Variants in STRN observed in about 807,000 individuals in gnomAD.
The protein encoded by STRN is striatin.
A neutral mutation model predicts 96.3 loss-of-function variants in STRN; 53 were observed. The ratio of observed to expected loss-of-function variants is 0.55; its 90% CI spans 0.44 to 0.69. The LOEUF (loss-of-function observed/expected upper bound fraction) is 0.69, where lower values mean the gene tolerates loss of function less well. Among genes scored for constraint, STRN ranks in the 30% least tolerant of loss-of-function variants. The probability of loss-of-function intolerance (pLI) is 0.00; values close to 1 mark genes in which losing one functional copy is unlikely to be tolerated. For synonymous variants in STRN, 428 were observed against 355.9 expected (o/e 1.20, Z -2.28); for missense variants, 987 against 963.9 (o/e 1.02, Z -0.32).
chr2:36,881,066 C>T (rs1263581778), intron 9 of STRN, among the ~76,000 whole-genome samples: 2 of 145,798 alleles, frequency 1.4e-5, no homozygotes, highest in African/African-American at 5.1e-5. Flanking sequence ...CAGCTTTTAC[C>T]AAAAAACAAA....
chr2:36,906,645 G>A (rs1291752284), intron 3 of STRN, among the ~76,000 whole-genome samples: 2 of 151,696 alleles, frequency 1.3e-5, no homozygotes, highest in Non-Finnish European at 2.9e-5. Flanking sequence ...CTTCAGGTAG[G>A]CCAGGCGTGG....
At chr2:36,930,000 T>A (rs115122133) in intron 1 of STRN, among the ~76,000 whole-genome samples, 2,723 of 152,344 alleles carry the variant, frequency 0.018, 84 homozygotes, top group African/African-American at 0.061. Flanking sequence ...GTTTCAATAA[T>A]CGCTTTATGT....
chr2:36,860,614 A>G (rs1161374346), intron 13 of STRN, among the ~76,000 whole-genome samples: 1 of 152,212 alleles, frequency 6.6e-6, no homozygotes, highest in Non-Finnish European at 1.5e-5. Flanking sequence ...TTGATAGATT[A>G]TAATATGATT....
At chr2:36,870,296 GAAA>G (rs56722317) in intron 10 of STRN, among the ~76,000 whole-genome samples, 1 of 138,984 alleles carries the variant, frequency 7.2e-6, no homozygotes, top group Non-Finnish European at 1.6e-5. Context: ...TCTCAAAAAT[GAAA>G]AAAAAAAAAA....
At chr2:36,942,119 G>A (rs1178176588) in intron 1 of STRN, among the ~76,000 whole-genome samples, 1 of 152,080 alleles carries the variant, frequency 6.6e-6, no homozygotes, top group Non-Finnish European at 1.5e-5. Context: ...ACACTTCTGG[G>A]AAAGCTTATC....
At chr2:36,949,448 C>A (rs774357649) in intron 1 of STRN, among the ~76,000 whole-genome samples, 1 of 151,984 alleles carries the variant, frequency 6.6e-6, no homozygotes, top group Non-Finnish European at 1.5e-5. Flanking sequence ...TTTTTAGAAG[C>A]CTGGGAGGCA....
intron 14 of STRN, among the ~76,000 whole-genome samples, chr2:36,857,087 CTT>C (rs149907998): frequency 7.0e-6 from 1 of 143,026 alleles, no homozygotes; most frequent in Non-Finnish European, 1.5e-5. Context: ...CAAATATAGT[CTT>C]TTTTTTTTTT....
chr2:36,872,533 GT>G (rs923816206), intron 10 of STRN, among the ~76,000 whole-genome samples: 2 of 152,138 alleles, frequency 1.3e-5, no homozygotes, highest in Non-Finnish European at 2.9e-5. Flanking sequence ...GATAATAAAT[GT>G]TTTTTGTTTT....
intron 1 of STRN, among the ~76,000 whole-genome samples, chr2:36,958,858 C>T (rs1664960174): frequency 2.0e-5 from 3 of 152,188 alleles, no homozygotes; most frequent in Admixed American, 1.3e-4. Context: ...TGGTAGCTCA[C>T]GCCTCTAATC....
intron 2 of STRN, 41 bp downstream of exon 2, chr2:36,925,064 A>G (rs776762215): frequency 1.3e-6 from 2 of 1,575,938 alleles, no homozygotes; most frequent in Non-Finnish European, 1.7e-6. Context: ...CTCAAAACAA[A>G]TAAACAAAAA....
At chr2:36,875,629 A>G (rs1668884559) in intron 10 of STRN, among the ~76,000 whole-genome samples, 1 of 151,458 alleles carries the variant, frequency 6.6e-6, no homozygotes, top group East Asian at 1.9e-4. Flanking sequence ...CATGAAATAT[A>G]AGGCAACAAA....
At chr2:36,871,884 A>G (rs1010986735) in intron 10 of STRN, among the ~76,000 whole-genome samples, 13 of 149,756 alleles carry the variant, frequency 8.7e-5, no homozygotes, top group Non-Finnish European at 1.5e-4. Context: ...CATCTGCAGG[A>G]AAAAAAATGG....
At chr2:36,890,700 T>G (rs1371582061) in intron 7 of STRN, among the ~76,000 whole-genome samples, 1 of 152,018 alleles carries the variant, frequency 6.6e-6, no homozygotes, top group African/African-American at 2.4e-5. Context: ...GCCAGGCTAG[T>G]CTCAAACTCC....
Position 36,877,902 on chromosome 2 carries a change from G to T in STRN, c.1312C>A (p.Leu438Ile). 3 of 1,614,044 alleles carry T rather than the reference G, an allele frequency of 1.9e-6. No individual in the cohort carries two copies. Among genetic ancestry groups the T allele is most frequent in the Non-Finnish European group, 2.5e-6 (3 of 1,179,986 alleles). ...AAACTACTACTTACATCATAAGTTA[G>T]TGAGTCTGCTTCATTGGCCACCGTA... ...GLTVANEADS[L>I]TYDIANNKDA... The change falls in exon 10 of 18, where the codon CTA (leucine) becomes ATA (isoleucine). Residue 438 changes from leucine to isoleucine, a missense_variant. Leu to Ile is a conservative substitution (Grantham distance 5, BLOSUM62 2). Transcript: ENST00000263918.
At chr2:36,876,225 CAAGCCA>C (rs1472749405) in intron 10 of STRN, among the ~76,000 whole-genome samples, 1 of 150,022 alleles carries the variant, frequency 6.7e-6, no homozygotes, top group Admixed American at 6.6e-5. Flanking sequence ...GAGCTGAGAT[CAAGCCA>C]CTGCACTCCA....
rs756830439 is a variant in STRN, at chr2:36,879,074, G to GT, written c.1187-1048dup. Among the ~76,000 whole-genome samples the GT allele has an allele frequency of 3.0e-4, 44 of 147,910 alleles. No homozygotes were observed. The East Asian group carries it at 4.5e-3, about 15-fold the overall frequency. On this transcript the variant is annotated intron_variant, in intron 9 of 17. Coordinates refer to ENST00000263918, the MANE Select transcript of STRN (RefSeq NM_003162.4). ...GGTAAAGAAAATGTTTTGTTTATTT[G>GT]TTTTTTTTGTTTTTTAGATGGAGTC...
At chr2:36,852,440 T>C (rs62132522) in intron 15 of STRN, among the ~76,000 whole-genome samples, 63,608 of 151,978 alleles carry the variant, frequency 0.42, 13,579 homozygotes, top group East Asian at 0.58. Flanking sequence ...ATTTTGATCA[T>C]TGTAATACAC....
At chr2:36,939,182 C>T (rs1054699521) in intron 1 of STRN, among the ~76,000 whole-genome samples, 8 of 152,076 alleles carry the variant, frequency 5.3e-5, no homozygotes, top group Non-Finnish European at 7.4e-5. Flanking sequence ...CCGCCCGCCT[C>T]GGCCTCCCAA....
At chr2:36,849,944 A>C (rs543652272) in intron 16 of STRN, 144 bp from the exon 17 acceptor site, 307 of 751,552 alleles carry the variant, frequency 4.1e-4, no homozygotes, top group Non-Finnish European at 6.1e-4. Context: ...CTAAAACAAC[A>C]TGTCTCCCTC....
Sources: allele counts gnomAD v4.1 joint callset (sites outside exome capture counted in the v4.1 genomes callset), GRCh38; gene constraint gnomAD v4.1.1; transcripts MANE v1.5; gene names NCBI Gene and HGNC (gene_info 2026-07-23, HGNC 2026-07-21).